The following TLN2 variants were observed in gnomAD, a reference collection of about 807,000 sequenced individuals.
TLN2 encodes talin-2.
In TLN2, 118 loss-of-function variants were observed where a neutral mutation model predicts 294.7. That is an observed-to-expected ratio of 0.40 (90% CI 0.34 to 0.47). The LOEUF is 0.47. Ranked by LOEUF, TLN2 falls within the 20% of genes least tolerant of loss-of-function variation. The pLI is 0.84. For synonymous variants in TLN2, 1,431 were observed against 1,304.5 expected, an observed-to-expected ratio of 1.10 and a Z score of -2.09; for missense variants, 3,083 against 3,282.2, an observed-to-expected ratio of 0.94 and a Z score of 1.48.
intron 1 of TLN2, among the ~76,000 whole-genome samples, chr15:62,577,375 C>G (rs964717631): frequency 3.3e-5 from 5 of 151,998 alleles, no homozygotes; most frequent in Non-Finnish European, 5.9e-5. Flanking sequence ...ACCTGGGAGG[C>G]GGAGGTTGTG....
intron 1 of TLN2, among the ~76,000 whole-genome samples, chr15:62,433,986 C>T (rs1021371343): frequency 6.7e-6 from 1 of 149,606 alleles, no homozygotes; most frequent in Non-Finnish European, 1.5e-5. Flanking sequence ...AAGATTCTGT[C>T]CCCCCGCCCC....
At chr15:62,463,659 A>G (rs879845863) in intron 1 of TLN2, among the ~76,000 whole-genome samples, 12 of 152,144 alleles carry the variant, frequency 7.9e-5, no homozygotes, top group African/African-American at 2.4e-4. Flanking sequence ...GCTGAGATGG[A>G]TGGATCACGA....
At chr15:62,582,246 A>ACCCCC (rs1555435710) in intron 1 of TLN2, among the ~76,000 whole-genome samples, 16 of 137,310 alleles carry the variant, frequency 1.2e-4, no homozygotes, top group Non-Finnish European at 2.4e-4. Flanking sequence ...ACACACACAC[A>ACCCCC]CATTCATGCC....
Position 62,796,303 on chromosome 15 carries a change from G to T in TLN2, c.6050+10G>T. Reference sequence around the variant, plus strand: ...CCTTCGCAGACCACAGGTACGTGGGGGTCCTGGACGGGGAGAGGTTCAGGC... The same window carrying T: ...CCTTCGCAGACCACAGGTACGTGGGTGTCCTGGACGGGGAGAGGTTCAGGC... On this transcript the variant is annotated intron_variant, in intron 47 of 58. Coordinates refer to ENST00000636159, the MANE Select transcript of TLN2 (RefSeq NM_015059.3). 6.2e-7 allele frequency: 1 copy of T among 1,608,254 alleles called. No homozygotes were observed. The highest frequency in any genetic ancestry group is 8.5e-7 in the Non-Finnish European group (1 of 1,177,192).
intron 1 of TLN2, among the ~76,000 whole-genome samples, chr15:62,470,669 G>A (rs2037417251): frequency 6.6e-6 from 1 of 152,216 alleles, no homozygotes; most frequent in African/African-American, 2.4e-5. Context: ...AGATCCGCAT[G>A]CAGGAGCTCT....
intron 32 of TLN2, among the ~76,000 whole-genome samples, chr15:62,743,817 A>G (rs2061467389): frequency 1.3e-5 from 2 of 152,118 alleles, no homozygotes; most frequent in African/African-American, 2.4e-5. Flanking sequence ...GAAGGCTTTA[A>G]GCCCACAGCG....
chr15:62,535,658 C>T (rs2041305766), intron 1 of TLN2, among the ~76,000 whole-genome samples: 1 of 151,490 alleles, frequency 6.6e-6, no homozygotes, highest in South Asian at 2.1e-4. Flanking sequence ...CAGGTTCAAG[C>T]AATTCTCCTG....
intron 2 of TLN2, among the ~76,000 whole-genome samples, chr15:62,599,713 A>G (rs535606589): frequency 6.6e-6 from 1 of 152,276 alleles, no homozygotes; most frequent in Non-Finnish European, 1.5e-5. Flanking sequence ...CTCCTGCAGG[A>G]GAACTTTTGG....
At chr15:62,734,302 C>T (rs1463576473) in intron 28 of TLN2, among the ~76,000 whole-genome samples, 1 of 152,126 alleles carries the variant, frequency 6.6e-6, no homozygotes, top group Non-Finnish European at 1.5e-5. Flanking sequence ...TTCAAGAGTC[C>T]ATATGACAAA....
Position 62,588,508 on chromosome 15 carries a change from C to T in TLN2, c.-237-1179C>T, listed in dbSNP as rs147919927. ...AAAATTAGCTGGGTGTGGTGATGGG[C>T]ACCTTCCTAGCTACACAGGAGGCTG... On this transcript the variant is annotated intron_variant, in intron 1 of 58. Coordinates refer to ENST00000636159, the MANE Select transcript of TLN2 (RefSeq NM_015059.3). Among the ~76,000 whole-genome samples the T allele has an allele frequency of 5.6e-4, 84 of 151,102 alleles. No homozygotes were observed. The East Asian group carries it at 0.013, about 24-fold the overall frequency.
chr15:62,579,765 C>G (rs1184412012), intron 1 of TLN2, among the ~76,000 whole-genome samples: 1 of 152,170 alleles, frequency 6.6e-6, no homozygotes, highest in Non-Finnish European at 1.5e-5. Flanking sequence ...TTGAGGAAGT[C>G]ACATTCTCTC....
In TLN2 at chr15:62,527,814, C is replaced by A. The variant is rs548430284; in HGVS notation, c.-237-61873C>A. On this transcript the variant is annotated intron_variant, in intron 1 of 58. Transcript: ENST00000636159. ...TGTGATGATAAAAGTACAAGATGAC[C>A]ATTACTGAAAGTACTATAAAAGTGG... 3.3e-5 allele frequency among the ~76,000 whole-genome samples: 5 copies of A among 152,222 alleles called. No homozygotes were observed. In the South Asian group the frequency reaches 1.0e-3, roughly 32 times the overall value.
chr15:62,582,053 A>C (rs2045095717), intron 1 of TLN2, among the ~76,000 whole-genome samples: 1 of 151,674 alleles, frequency 6.6e-6, no homozygotes, highest in Non-Finnish European at 1.5e-5. Flanking sequence ...TAGAAAAAAA[A>C]AAAAGAAAAA....
At chr15:62,706,731 T>C (rs2059098252) in intron 19 of TLN2, among the ~76,000 whole-genome samples, 1 of 152,238 alleles carries the variant, frequency 6.6e-6, no homozygotes, top group African/African-American at 2.4e-5. Flanking sequence ...TGGATATGTT[T>C]TCAGCTTCTC....
intron 1 of TLN2, among the ~76,000 whole-genome samples, chr15:62,433,224 C>G (rs1472585311): frequency 2.0e-5 from 3 of 152,130 alleles, no homozygotes; most frequent in Admixed American, 6.5e-5. Flanking sequence ...CTCACCTATA[C>G]CTGTTGCTGG....
chr15:62,631,659 C>CTTTCTT (rs778943694), intron 3 of TLN2, among the ~76,000 whole-genome samples: 17 of 138,110 alleles, frequency 1.2e-4, no homozygotes, highest in South Asian at 4.5e-4. Flanking sequence ...CCTTCTTTTT[C>CTTTCTT]TTTCTTTCTC....
Position 62,657,938 on chromosome 15 carries a change from G to C in TLN2, c.788+40G>C, listed in dbSNP as rs771398393. ...GTTTCTCTTTTTTCTCTTTTCTCCTGTCTTCTTTCTCTTTCAGCTTTTTAT... is the reference window on the plus strand; with the variant it reads ...GTTTCTCTTTTTTCTCTTTTCTCCTCTCTTCTTTCTCTTTCAGCTTTTTAT... On this transcript the variant is annotated intron_variant, in intron 9 of 58. Coordinates refer to ENST00000636159, the MANE Select transcript of TLN2 (RefSeq NM_015059.3). The C allele has an allele frequency of 3.2e-6, 5 of 1,576,258 alleles. No individual in the cohort carries two copies. In the South Asian group the frequency reaches 5.8e-5, roughly 18 times the overall value.
At chr15:62,724,437 A>G (rs568557116) in intron 26 of TLN2, among the ~76,000 whole-genome samples, 1 of 152,372 alleles carries the variant, frequency 6.6e-6, no homozygotes, top group African/African-American at 2.4e-5. Flanking sequence ...GATCAGTGTT[A>G]TACGTGACCA....
intron 1 of TLN2, among the ~76,000 whole-genome samples, chr15:62,471,334 G>T (rs2037460847): frequency 6.6e-6 from 1 of 152,210 alleles, no homozygotes; most frequent in South Asian, 2.1e-4. Context: ...AACAGAACGT[G>T]ATCCTTCCTC....
Sources: allele counts gnomAD v4.1 joint callset (sites outside exome capture counted in the v4.1 genomes callset), GRCh38; gene constraint gnomAD v4.1.1; transcripts MANE v1.5; gene names NCBI Gene and HGNC (gene_info 2026-07-23, HGNC 2026-07-21).